Variants in DYNLL2 observed in about 807,000 individuals in gnomAD.
The protein encoded by DYNLL2 is dynein light chain LC8-type 2.
A neutral mutation model predicts 9.7 loss-of-function variants in DYNLL2; 1 was observed. The observed-to-expected ratio is 0.10, with a 90% CI of 0.04 to 0.49. The LOEUF is 0.49. DYNLL2 is among the 20% of genes least tolerant of loss of function. The pLI, the probability that DYNLL2 is intolerant of heterozygous loss-of-function variation, is 0.95. For synonymous variants in DYNLL2, 35 were observed against 40.5 expected, an observed-to-expected ratio of 0.86 and a Z score of 0.52; for missense variants, 37 against 115.2, an observed-to-expected ratio of 0.32 and a Z score of 3.11.
intron 1 of DYNLL2, among the ~76,000 whole-genome samples, chr17:58,084,507 G>A (rs2075751031): frequency 6.6e-6 from 1 of 152,146 alleles, no homozygotes; most frequent in Non-Finnish European, 1.5e-5. Context: ...CCTATCTGGA[G>A]GCCCAGGTCC....
intron 1 of DYNLL2, among the ~76,000 whole-genome samples, chr17:58,083,901 C>G (rs1259633324): frequency 1.3e-5 from 2 of 151,618 alleles, no homozygotes; most frequent in Non-Finnish European, 3.0e-5. Context: ...CTGCGCCACC[C>G]TTTGCCCCGG....
In DYNLL2 at chr17:58,089,262, CTCT is replaced by C; in HGVS notation, c.256_258del (p.Phe86del). ...TTACTTGGGTCAAGTTGCAATCCTC[CTCT>C]TCAAGTCAGGCTAGGTGGCCATGGT... On this transcript the variant is annotated inframe_deletion, in exon 3 of 3. Transcript: ENST00000579991. 6.2e-7 allele frequency: 1 copy of C among 1,613,994 alleles called. No homozygotes were observed. Among genetic ancestry groups the C allele is most frequent in the Non-Finnish European group, 8.5e-7 (1 of 1,179,966 alleles).
In DYNLL2 at chr17:58,092,289, TG is replaced by T. The variant is rs2143602167; in HGVS notation, c.*3011del. 1 of 152,302 alleles carries T rather than the reference TG, an allele frequency of 6.6e-6. No homozygotes were observed. Among genetic ancestry groups the T allele is most frequent in the East Asian group, 1.9e-4 (1 of 5,176 alleles). The allele number at this position is 152,302 out of a possible 1,614,324, so 9.4% of individuals were successfully genotyped here. On this transcript the variant is annotated 3_prime_UTR_variant, in exon 3 of 3. Coordinates refer to ENST00000579991, the MANE Select transcript of DYNLL2 (RefSeq NM_080677.3). ...CAGTTCACATTTCATCAGGGATGAG[TG>T]TCTCCAGGGCCAAAGCTCATCTACT...
chr17:58,084,636 C>T (rs2075751940), intron 1 of DYNLL2, among the ~76,000 whole-genome samples: 1 of 152,188 alleles, frequency 6.6e-6, no homozygotes, highest in Non-Finnish European at 1.5e-5. Flanking sequence ...CCTGGGGGGC[C>T]ATTGTAGTCG....
chr17:58,086,614 A>G (rs944218963), intron 1 of DYNLL2, among the ~76,000 whole-genome samples: 1 of 152,208 alleles, frequency 6.6e-6, no homozygotes, highest in Non-Finnish European at 1.5e-5. Context: ...TATGATGCCA[A>G]TGATGTAATG....
At chr17:58,087,448 A>T (rs550880384) in intron 2 of DYNLL2, among the ~76,000 whole-genome samples, 3 of 145,014 alleles carry the variant, frequency 2.1e-5, no homozygotes, top group Non-Finnish European at 4.6e-5. Context: ...GTGTGTGTGT[A>T]TGTTTACTTT....
chr17:58,088,312 A>C (rs1380284018), intron 2 of DYNLL2, among the ~76,000 whole-genome samples: 1 of 152,034 alleles, frequency 6.6e-6, no homozygotes, highest in Non-Finnish European at 1.5e-5. Context: ...GTACTTGGAG[A>C]GTTGTGTGGT....
chr17:58,089,435 A>T lies in DYNLL2; in HGVS notation c.*156A>T. Reference sequence around the variant, plus strand: ...TCGATTTCATGTGTATGTCGCAGTAAACAAAACCAAACCTCTTTCTGTTTA... The same window carrying T: ...TCGATTTCATGTGTATGTCGCAGTATACAAAACCAAACCTCTTTCTGTTTA... On this transcript the variant is annotated 3_prime_UTR_variant, in exon 3 of 3. Transcript: ENST00000579991. 1 of 896,776 alleles carries T rather than the reference A, an allele frequency of 1.1e-6. No individual in the cohort carries two copies. Among genetic ancestry groups the T allele is most frequent in the Non-Finnish European group, 1.6e-6 (1 of 627,498 alleles). The allele number at this position is 896,776 out of a possible 1,614,324, so 55.6% of individuals were successfully genotyped here. A position where few individuals can be genotyped will look rare whatever the true frequency, so the allele number is the denominator to read the frequency against.
intron 2 of DYNLL2, among the ~76,000 whole-genome samples, chr17:58,087,691 T>C (rs1179018489): frequency 1.3e-5 from 2 of 152,168 alleles, no homozygotes; most frequent in Non-Finnish European, 2.9e-5. Context: ...AGGACTCAGG[T>C]ACTACATCAC....
chr17:58,087,352 C>T (rs372132918), intron 2 of DYNLL2, 130 bp downstream of exon 2: 25 of 1,311,018 alleles, frequency 1.9e-5, no homozygotes, highest in Middle Eastern at 5.4e-4. Flanking sequence ...TAGGAACTTG[C>T]AAAGCAGACA....
At chr17:58,088,568 T>C (rs2075768909) in intron 2 of DYNLL2, among the ~76,000 whole-genome samples, 1 of 152,196 alleles carries the variant, frequency 6.6e-6, no homozygotes, top group African/African-American at 2.4e-5. Context: ...GATCTCATGG[T>C]GGAGGTCCTT....
In DYNLL2 at chr17:58,089,328, C is replaced by T. The variant is rs535023430; in HGVS notation, c.*49C>T. On this transcript the variant is annotated 3_prime_UTR_variant, in exon 3 of 3. Coordinates refer to ENST00000579991, the MANE Select transcript of DYNLL2 (RefSeq NM_080677.3). ...GGCGGCGGCAGCGATGGCAAGCAGGCGGCGTTGCTGGGACTGTTTTGCACT... is the reference window on the plus strand; with the variant it reads ...GGCGGCGGCAGCGATGGCAAGCAGGTGGCGTTGCTGGGACTGTTTTGCACT... 49 of 1,602,864 alleles carry T rather than the reference C, an allele frequency of 3.1e-5. No homozygotes were observed. Among genetic ancestry groups the T allele is most frequent in the Middle Eastern group, 1.7e-4 (1 of 5,998 alleles).
chr17:58,088,326 G>A (rs1296853358), intron 2 of DYNLL2, among the ~76,000 whole-genome samples: 1 of 152,164 alleles, frequency 6.6e-6, no homozygotes, highest in Admixed American at 6.5e-5. Context: ...GTGTGGTATC[G>A]GGGCTGTGAA....
intron 2 of DYNLL2, among the ~76,000 whole-genome samples, chr17:58,088,934 G>A (rs534993433): frequency 6.6e-6 from 1 of 152,164 alleles, no homozygotes; most frequent in Admixed American, 6.5e-5. Context: ...AGGCTTTGTG[G>A]TGTTCCATTA....
rs545353427 is a variant in DYNLL2, at chr17:58,090,240, A to ATATGTGTGTG, written c.*973_*982dup. 9 of 232,268 alleles carry ATATGTGTGTG rather than the reference A, an allele frequency of 3.9e-5. No individual in the cohort carries two copies. The highest frequency in any genetic ancestry group is 7.4e-5 in the Non-Finnish European group (9 of 121,082). 14.4% of individuals were successfully genotyped at this position (232,268 alleles called of 1,614,324 possible). On this transcript the variant is annotated 3_prime_UTR_variant, in exon 3 of 3. Transcript: ENST00000579991. ...TGTGTATATGTGTGAATATGTGTGT[A>ATATGTGTGTG]TATGTGTGTGTATGTGTGTGTGGGG...
rs967833003 is a variant in DYNLL2, at chr17:58,091,356, C to G, written c.*2077C>G. 1 of 150,436 alleles carries G rather than the reference C, an allele frequency of 6.6e-6. No homozygotes were observed. Among genetic ancestry groups the G allele is most frequent in the Non-Finnish European group, 1.5e-5 (1 of 67,896 alleles). 9.3% of individuals were successfully genotyped at this position (150,436 alleles called of 1,614,324 possible). A position where few individuals can be genotyped will look rare whatever the true frequency, so the allele number is the denominator to read the frequency against. On this transcript the variant is annotated 3_prime_UTR_variant, in exon 3 of 3. Coordinates refer to ENST00000579991, the MANE Select transcript of DYNLL2 (RefSeq NM_080677.3). ...TGAAGGGAAGACCAGCCACTAGATA[C>G]TGATTGGCCTGTAGCAGCACTTATT... is the stretch of plus-strand genomic sequence containing the variant.
rs1157341436 is a variant in DYNLL2, at chr17:58,092,406, A to T, written c.*3127A>T. The stretch of plus-strand genomic sequence containing the variant: ...TGCACAGTGCTCATCTGGAAGACTA[A>T]TCCTGCAGGGCTTCCTGGAGGAGAT... On this transcript the variant is annotated 3_prime_UTR_variant, in exon 3 of 3. Coordinates refer to ENST00000579991, the MANE Select transcript of DYNLL2 (RefSeq NM_080677.3). 1.3e-5 allele frequency: 2 copies of T among 152,272 alleles called. No homozygotes were observed. Among genetic ancestry groups the T allele is most frequent in the Non-Finnish European group, 2.9e-5 (2 of 68,086 alleles). 9.4% of individuals were successfully genotyped at this position (152,272 alleles called of 1,614,324 possible).
rs2075742359 is a variant in DYNLL2 at position 58,083,458 on chromosome 17, A to AGCGGGCTGGCGG, written c.-229_-228insTGGCGGGCGGGC. On this transcript the variant is annotated 5_prime_UTR_variant, in exon 1 of 3. Transcript: ENST00000579991. ...GCGGAGCTGTGAGGCGCCAGTGCGG[A>AGCGGGCTGGCGG]GCGGGCGGGCGGGCGGGCGGCGTGA... 1 of 131,832 alleles carries AGCGGGCTGGCGG rather than the reference A, an allele frequency of 7.6e-6. No individual in the cohort carries two copies. Among genetic ancestry groups the AGCGGGCTGGCGG allele is most frequent in the South Asian group, 2.1e-4 (1 of 4,826 alleles). 8.2% of individuals were successfully genotyped at this position (131,832 alleles called of 1,614,324 possible). A position where few individuals can be genotyped will look rare whatever the true frequency, so the allele number is the denominator to read the frequency against.
intron 1 of DYNLL2, 58 bp from the exon 2 acceptor site, chr17:58,087,024 T>C: frequency 6.3e-7 from 1 of 1,593,320 alleles, no homozygotes; most frequent in South Asian, 1.1e-5. Context: ...ACCCAGCAGC[T>C]AATGTTCACT....
Sources: allele counts gnomAD v4.1 joint callset (sites outside exome capture counted in the v4.1 genomes callset), GRCh38; gene constraint gnomAD v4.1.1; transcripts MANE v1.5; gene names NCBI Gene and HGNC (gene_info 2026-07-23, HGNC 2026-07-21).